ZNF385C: variants seen among roughly 807,000 people sequenced by gnomAD.
ZNF385C encodes CTD-2132N18.2.
Under a neutral mutation model 35.4 loss-of-function variants are expected in ZNF385C, and 28 were observed. The observed-to-expected ratio is 0.79, with a 90% CI of 0.59 to 1.08. The LOEUF (loss-of-function observed/expected upper bound fraction) is 1.08. Among genes scored for constraint, ZNF385C ranks in the 50% least tolerant of loss-of-function variants. The pLI is 0.00. For synonymous variants in ZNF385C, 248 were observed against 248.2 expected (o/e 1.00, Z 0.01); for missense variants, 605 against 595.6 (o/e 1.02, Z -0.16).
intron 2 of ZNF385C, chr17:42,040,465 G>A (rs2052990544): frequency 2.4e-6 from 3 of 1,232,214 alleles, no homozygotes; most frequent in Admixed American, 4.2e-5. Context: ...GGCCAAGTCC[G>A]GCTCTTCTGC....
At chr17:42,045,859 A>T (rs1163192796) in intron 2 of ZNF385C, among the ~76,000 whole-genome samples, 8 of 152,026 alleles carry the variant, frequency 5.3e-5, no homozygotes, top group African/African-American at 1.9e-4. Flanking sequence ...ACACCTAACC[A>T]CAAGCCAGCA....
intron 2 of ZNF385C, chr17:42,039,890 C>G (rs1215225668): frequency 1.3e-5 from 16 of 1,231,378 alleles, no homozygotes; most frequent in Non-Finnish European, 1.5e-5. Context: ...CCGACCTTGT[C>G]CAGCAGGCCA....
chr17:42,027,554 G>GCCCCCCCCCCC, intron 8 of ZNF385C, 64 bp downstream of exon 8: 1 of 556,882 alleles, frequency 1.8e-6, no homozygotes, highest in Non-Finnish European at 3.3e-6. Flanking sequence ...CCCCCATCTG[G>GCCCCCCCCCCC]CCCTCCCAGC....
chr17:42,043,002 G>T, intron 2 of ZNF385C: 1 of 1,232,376 alleles, frequency 8.1e-7, no homozygotes, highest in Non-Finnish European at 1.0e-6. Flanking sequence ...CTTTGGCCGG[G>T]TCTAACTCCA....
chr17:42,045,723 T>C (rs2053146168), intron 2 of ZNF385C, among the ~76,000 whole-genome samples: 1 of 152,334 alleles, frequency 6.6e-6, no homozygotes, highest in East Asian at 1.9e-4. Context: ...CCTCGGTCTC[T>C]GCATGGTCAT....
intron 3 of ZNF385C, among the ~76,000 whole-genome samples, chr17:42,037,148 T>C (rs928649004): frequency 7.3e-5 from 11 of 151,658 alleles, no homozygotes; most frequent in Non-Finnish European, 1.6e-4. Context: ...AAACTCACAA[T>C]CACCCAAGCC....
chr17:42,041,637 G>T (rs753342484), intron 2 of ZNF385C, among the ~76,000 whole-genome samples: 7 of 151,940 alleles, frequency 4.6e-5, no homozygotes, highest in Non-Finnish European at 8.8e-5. Flanking sequence ...CCTATTCCTG[G>T]GGGTCTCCCT....
At chr17:42,065,548 A>G (rs1226750858) in intron 1 of ZNF385C, among the ~76,000 whole-genome samples, 1 of 152,192 alleles carries the variant, frequency 6.6e-6, no homozygotes, top group Non-Finnish European at 1.5e-5. Flanking sequence ...TAGTCCCCAG[A>G]TGCCACCCCC....
chr17:42,097,471 T>G (rs1457984808), intron 1 of ZNF385C, among the ~76,000 whole-genome samples: 1 of 152,064 alleles, frequency 6.6e-6, no homozygotes, highest in Non-Finnish European at 1.5e-5. Flanking sequence ...CCCGTGTCTG[T>G]CCAAAGGCTT....
chr17:42,037,948 G>T, intron 2 of ZNF385C, 63 bp from the exon 3 acceptor site: 1 of 1,545,286 alleles, frequency 6.5e-7, no homozygotes, highest in Non-Finnish European at 8.7e-7. Flanking sequence ...GCCAGAACAA[G>T]AGGCGGGTGG....
chr17:42,039,496 G>A (rs1303268235), intron 2 of ZNF385C: 4 of 226,436 alleles, frequency 1.8e-5, no homozygotes, highest in Non-Finnish European at 2.5e-5. Context: ...CTGCCCACCC[G>A]CCCAGGCCCC....
rs1024290941 is a variant in ZNF385C, at chr17:42,075,588, G to A, written c.-2-12530C>T. Among the ~76,000 whole-genome samples, 73 of 146,914 alleles carry A rather than the reference G, an allele frequency of 5.0e-4. 1 individual carries two copies. Among genetic ancestry groups the A allele is most frequent in the Non-Finnish European group, 4.0e-4 (27 of 67,318 alleles). On this transcript the variant is annotated intron_variant, in intron 1 of 8. Coordinates refer to ENST00000692273, the MANE Select transcript of ZNF385C (RefSeq NM_001392013.1). Reference sequence around the variant, plus strand: ...CGGCTCACTGCAAGCTCCGCCTCCCGGGTTCACACCATTCTCCTGCCTCAG... The same window carrying A: ...CGGCTCACTGCAAGCTCCGCCTCCCAGGTTCACACCATTCTCCTGCCTCAG...
At chr17:42,028,370 G>A (rs2052647111) in intron 6 of ZNF385C, 124 bp from the exon 7 acceptor site, 3 of 967,720 alleles carry the variant, frequency 3.1e-6, no homozygotes, top group East Asian at 2.8e-5. Context: ...TGCACACATC[G>A]CCCTCCAGCC....
intron 1 of ZNF385C, among the ~76,000 whole-genome samples, chr17:42,082,725 G>T (rs558200186): frequency 1.3e-5 from 2 of 152,214 alleles, no homozygotes; most frequent in Non-Finnish European, 2.9e-5. Flanking sequence ...TTGAGTCTAG[G>T]AGTTTGAGAC....
chr17:42,040,866 G>A, intron 2 of ZNF385C: 1 of 1,232,322 alleles, frequency 8.1e-7, no homozygotes, highest in Non-Finnish European at 1.0e-6. Context: ...CCAGCAGTGG[G>A]CAAGTGGCCC....
rs541669915 is a variant in ZNF385C, at chr17:42,033,781, G to A, written c.510+444C>T. Among the ~76,000 whole-genome samples the A allele has an allele frequency of 4.6e-5, 7 of 152,022 alleles. No individual in the cohort carries two copies. In the East Asian group the frequency reaches 1.2e-3, roughly 25 times the overall value. ...AAACAAAACAAAACAAAAAAATCCCGCCTCCACCCGTCTCACAGATGTATC... is the reference window on the plus strand; with the variant it reads ...AAACAAAACAAAACAAAAAAATCCCACCTCCACCCGTCTCACAGATGTATC... On this transcript the variant is annotated intron_variant, in intron 4 of 8. Coordinates refer to ENST00000692273, the MANE Select transcript of ZNF385C (RefSeq NM_001392013.1).
intron 2 of ZNF385C, among the ~76,000 whole-genome samples, chr17:42,057,036 C>T (rs782146547): frequency 3.9e-5 from 6 of 152,106 alleles, no homozygotes; most frequent in Middle Eastern, 3.4e-3. Flanking sequence ...CTTAGAAGGC[C>T]GAGGGAGGAG....
At chr17:42,073,785 C>T (rs782531567) in intron 1 of ZNF385C, among the ~76,000 whole-genome samples, 2 of 152,236 alleles carry the variant, frequency 1.3e-5, no homozygotes, top group Non-Finnish European at 2.9e-5. Context: ...CCAAGGAAAG[C>T]GGACACAGAG....
chr17:42,089,879 AT>A (rs1555660369), intron 1 of ZNF385C, among the ~76,000 whole-genome samples: 1 of 152,226 alleles, frequency 6.6e-6, no homozygotes, highest in African/African-American at 2.4e-5. Context: ...CAAAAATCTG[AT>A]CAAAGAATTA....
Sources: gnomAD v4.1 joint callset for allele counts (sites outside exome capture counted in the v4.1 genomes callset) on GRCh38, gnomAD v4.1.1 for gene constraint, MANE v1.5 for transcripts, NCBI Gene and HGNC (gene_info 2026-07-23, HGNC 2026-07-21) for gene names.